The following KLF8 variants were observed in gnomAD, a reference collection of about 807,000 sequenced individuals.
The protein encoded by KLF8 is KLF transcription factor 8.
In KLF8, 10 loss-of-function variants were observed where a neutral mutation model predicts 18.2. That is an observed-to-expected ratio of 0.55 (90% CI 0.34 to 0.93). The LOEUF (loss-of-function observed/expected upper bound fraction) is 0.93. Ranked by LOEUF, KLF8 falls within the 40% of genes least tolerant of loss-of-function variation. KLF8 has a pLI of 0.02. For missense variants in KLF8, 264 were observed against 277.9 expected, an observed-to-expected ratio of 0.95 and a Z score of 0.36; for synonymous variants, 109 against 97.3, an observed-to-expected ratio of 1.12 and a Z score of -0.71.
At chrX:55,925,513 A>C in the KLF8 span, among the ~76,000 whole-genome samples, 2 of 111,414 alleles carry the variant, frequency 1.8e-5, no homozygotes, top group African/African-American at 6.5e-5. Context: ...GCCAAGCACT[A>C]GGGTAAGGGA....
At chrX:56,203,097 T>C in the KLF8 span, among the ~76,000 whole-genome samples, 1 of 111,897 alleles carries the variant, frequency 8.9e-6, no homozygotes, top group South Asian at 3.7e-4. Flanking sequence ...TATTATTGTC[T>C]GTGTTTTGGA....
At chrX:55,928,412 G>A in the KLF8 span, among the ~76,000 whole-genome samples, 3 of 110,062 alleles carry the variant, frequency 2.7e-5, no homozygotes, top group South Asian at 3.9e-4. Context: ...TGTGCAGAAC[G>A]TGCAGGTTTG....
chrX:56,148,730 C>G, the KLF8 span, among the ~76,000 whole-genome samples: 2 of 111,470 alleles, frequency 1.8e-5, no homozygotes, highest in Non-Finnish European at 3.8e-5. Flanking sequence ...AGGGCATGTG[C>G]AGGGGAACGC....
the KLF8 span, among the ~76,000 whole-genome samples, chrX:56,168,304 A>G: frequency 8.9e-6 from 1 of 111,828 alleles, no homozygotes; most frequent in Non-Finnish European, 1.9e-5. Flanking sequence ...AATTCTATGG[A>G]CAATAGTATC....
the KLF8 span, among the ~76,000 whole-genome samples, chrX:56,179,439 AG>A: frequency 1.8e-5 from 2 of 112,366 alleles, no homozygotes; most frequent in African/African-American, 3.2e-5. Context: ...ATCTGCAAAC[AG>A]GGACAATTTG....
At chrX:56,018,268 A>G in the KLF8 span, among the ~76,000 whole-genome samples, 1 of 110,748 alleles carries the variant, frequency 9.0e-6, no homozygotes, top group Non-Finnish European at 1.9e-5. Context: ...GCTTCCACAT[A>G]AAAGTGAGAA....
chrX:56,221,689 G>T, the KLF8 span, among the ~76,000 whole-genome samples: 1 of 111,488 alleles, frequency 9.0e-6, no homozygotes, highest in Non-Finnish European at 1.9e-5. Context: ...CTCCCCGGTG[G>T]GTTCGTGGTC....
At chrX:56,190,260 G>T in the KLF8 span, among the ~76,000 whole-genome samples, 5 of 110,306 alleles carry the variant, frequency 4.5e-5, no homozygotes, top group South Asian at 1.9e-3. Context: ...ATGACAAAGG[G>T]GTCCACTGAG....
the KLF8 span, among the ~76,000 whole-genome samples, chrX:55,971,832 A>C: frequency 9.0e-6 from 1 of 111,644 alleles, no homozygotes; most frequent in Non-Finnish European, 1.9e-5. Context: ...TTACCATCAG[A>C]AAAACGCAAA....
At chrX:56,169,335 T>C in the KLF8 span, among the ~76,000 whole-genome samples, 3 of 111,132 alleles carry the variant, frequency 2.7e-5, no homozygotes, top group East Asian at 8.6e-4. Flanking sequence ...AAGGGGACTT[T>C]GTTTTGCACC....
the KLF8 span, among the ~76,000 whole-genome samples, chrX:56,182,670 G>A: frequency 8.9e-6 from 1 of 112,512 alleles, no homozygotes; most frequent in African/African-American, 3.2e-5. Context: ...CTTTTTGTTT[G>A]TTAGTTTTCC....
At chrX:56,215,648 C>T in the KLF8 span, among the ~76,000 whole-genome samples, 20 of 106,591 alleles carry the variant, frequency 1.9e-4, no homozygotes, top group Non-Finnish European at 3.8e-4. Context: ...CATGGTGAAA[C>T]CCTGTATCTA....
the KLF8 span, among the ~76,000 whole-genome samples, chrX:56,133,297 T>C: frequency 8.9e-6 from 1 of 112,117 alleles, no homozygotes; most frequent in Non-Finnish European, 1.9e-5. Context: ...TCCAACAGCA[T>C]ATCAAAGAGA....
chrX:56,152,748 T>C, the KLF8 span, among the ~76,000 whole-genome samples: 2 of 111,805 alleles, frequency 1.8e-5, no homozygotes, highest in Admixed American at 1.9e-4. Flanking sequence ...ATGTCTGCAC[T>C]CCTCAGATGT....
chrX:56,068,549 A>G, the KLF8 span, among the ~76,000 whole-genome samples: 1 of 111,444 alleles, frequency 9.0e-6, no homozygotes. Context: ...TTTGGAGTGT[A>G]TGATTCCACC....
At chrX:56,165,249 A>G in the KLF8 span, among the ~76,000 whole-genome samples, 2 of 111,756 alleles carry the variant, frequency 1.8e-5, no homozygotes, top group Non-Finnish European at 3.8e-5. Flanking sequence ...CATTAAACCT[A>G]TACATTGCTT....
At chrX:55,937,486 C>T in the KLF8 span, among the ~76,000 whole-genome samples, 8 of 112,563 alleles carry the variant, frequency 7.1e-5, 1 homozygote, top group South Asian at 1.1e-3. Context: ...TCCAAAGGAG[C>T]GCAGCTCCTC....
the KLF8 span, among the ~76,000 whole-genome samples, chrX:56,007,478 G>C: frequency 9.0e-6 from 1 of 111,477 alleles, no homozygotes; most frequent in East Asian, 2.8e-4. Flanking sequence ...GGAGTCTGTG[G>C]TGGGAACCTG....
At chrX:56,228,184 C>A (rs1190004164), upstream of KLF8, among the ~76,000 whole-genome samples, 2 of 112,301 alleles carry the variant, frequency 1.8e-5, no homozygotes, top group African/African-American at 3.2e-5. Context: ...GGAGCATGTT[C>A]TCAATATCTA....
Sources: allele counts gnomAD v4.1 joint callset (sites outside exome capture counted in the v4.1 genomes callset), GRCh38; gene constraint gnomAD v4.1.1; transcripts MANE v1.5; gene names NCBI Gene and HGNC (gene_info 2026-07-23, HGNC 2026-07-21).